The following SLC9A9 variants were observed in gnomAD, a reference collection of about 807,000 sequenced individuals.
The protein encoded by SLC9A9 is sodium/hydrogen exchanger 9.
SLC9A9 carries 62 observed loss-of-function variants against 77.8 expected under a neutral mutation model. The ratio of observed to expected loss-of-function variants is 0.80; its 90% CI spans 0.65 to 0.98. The LOEUF (loss-of-function observed/expected upper bound fraction) is 0.98. SLC9A9 is among the 50% of genes least tolerant of loss of function. The probability of loss-of-function intolerance (pLI) is 0.00; values close to 1 mark genes in which losing one functional copy is unlikely to be tolerated. For synonymous variants in SLC9A9, 320 were observed against 283.5 expected (o/e 1.13, Z -1.29); for missense variants, 775 against 774.9 (o/e 1.00, Z 0.00).
At chr3:143,767,171 C>T (rs998576697) in intron 4 of SLC9A9, among the ~76,000 whole-genome samples, 2 of 152,080 alleles carry the variant, frequency 1.3e-5, no homozygotes, top group African/African-American at 4.8e-5. Context: ...CAGAGTGAAA[C>T]AACTGAGGTT....
intron 9 of SLC9A9, among the ~76,000 whole-genome samples, chr3:143,537,143 A>G (rs970615422): frequency 6.6e-6 from 1 of 152,344 alleles, no homozygotes; most frequent in South Asian, 2.1e-4. Flanking sequence ...GGTGTCCAGC[A>G]TCTGGTGTCT....
At chr3:143,475,447 A>G (rs1475959045) in intron 11 of SLC9A9, among the ~76,000 whole-genome samples, 1 of 152,046 alleles carries the variant, frequency 6.6e-6, no homozygotes, top group Non-Finnish European at 1.5e-5. Context: ...TCTGCAAGCA[A>G]TGGATGAATC....
At chr3:143,545,448 C>T (rs2036771258) in intron 9 of SLC9A9, among the ~76,000 whole-genome samples, 1 of 152,202 alleles carries the variant, frequency 6.6e-6, no homozygotes, top group South Asian at 2.1e-4. Context: ...TTAGGACCTC[C>T]AAAGGACAAG....
chr3:143,395,776 A>C (rs1414867137), intron 12 of SLC9A9, among the ~76,000 whole-genome samples: 1 of 152,256 alleles, frequency 6.6e-6, no homozygotes, highest in African/African-American at 2.4e-5. Flanking sequence ...ACCCCATCAA[A>C]AAGTGGGCAA....
intron 4 of SLC9A9, among the ~76,000 whole-genome samples, chr3:143,741,771 T>C (rs922310536): frequency 6.6e-6 from 1 of 152,074 alleles, no homozygotes; most frequent in Non-Finnish European, 1.5e-5. Context: ...CCCTAACCCA[T>C]TGAAACCACC....
chr3:143,603,573 T>C (rs1016687681), intron 6 of SLC9A9, among the ~76,000 whole-genome samples: 17 of 152,244 alleles, frequency 1.1e-4, no homozygotes, highest in Non-Finnish European at 2.2e-4. Context: ...AACAGCCATA[T>C]GAGCAAGCTT....
At chr3:143,433,284 T>C (rs905566307) in intron 12 of SLC9A9, among the ~76,000 whole-genome samples, 7 of 152,212 alleles carry the variant, frequency 4.6e-5, no homozygotes, top group Non-Finnish European at 1.0e-4. Flanking sequence ...AAAGAGATGG[T>C]TGCTGGGTTC....
intron 4 of SLC9A9, among the ~76,000 whole-genome samples, chr3:143,725,796 T>C (rs1031729676): frequency 1.9e-4 from 29 of 149,710 alleles, no homozygotes; most frequent in Non-Finnish European, 4.0e-4. Context: ...AAATGACAAG[T>C]TAATGGGTGC....
intron 8 of SLC9A9, among the ~76,000 whole-genome samples, chr3:143,552,697 C>A (rs368755743): frequency 6.7e-4 from 102 of 152,246 alleles, no homozygotes; most frequent in African/African-American, 2.4e-3. Context: ...GAAGTAGATT[C>A]TTCCTGGAGA....
chr3:143,839,488 C>A (rs115921326), intron 1 of SLC9A9, among the ~76,000 whole-genome samples: 1,448 of 98,334 alleles, frequency 0.015, 23 homozygotes, highest in African/African-American at 0.053. Flanking sequence ...TGGTTCCCAA[C>A]AAACAACACA....
chr3:143,723,400 A>C (rs138217825), intron 4 of SLC9A9, among the ~76,000 whole-genome samples: 2 of 152,162 alleles, frequency 1.3e-5, no homozygotes, highest in Non-Finnish European at 2.9e-5. Context: ...CATTGCCTCA[A>C]GTTTAAGTTC....
intron 12 of SLC9A9, among the ~76,000 whole-genome samples, chr3:143,442,977 T>C (rs72997838): frequency 0.061 from 9,214 of 152,226 alleles, 935 homozygotes; most frequent in African/African-American, 0.21. Flanking sequence ...GTCCTTTGAT[T>C]GTTTCTAGTA....
At position 143,266,619 on chromosome 3, in the gene SLC9A9, C is replaced by T. The variant is rs1327174682; in HGVS notation, c.*83G>A. ...CTCTTAATATGTTTTCCAGCCTCTC[C>T]CCTGTACTGCCTCATCAGCTTGGCT... On this transcript the variant is annotated 3_prime_UTR_variant, in exon 16 of 16. Coordinates refer to ENST00000316549, the MANE Select transcript of SLC9A9 (RefSeq NM_173653.4). 7.2e-7 allele frequency: 1 copy of T among 1,387,188 alleles called. No homozygotes were observed. Among genetic ancestry groups the T allele is most frequent in the South Asian group, 1.2e-5 (1 of 83,620 alleles). The allele number at this position is 1,387,188 out of a possible 1,614,324, so 85.9% of individuals were successfully genotyped here. A position where few individuals can be genotyped will look rare whatever the true frequency, so the allele number is the denominator to read the frequency against.
chr3:143,278,740 G>A (rs1938126315), intron 14 of SLC9A9, among the ~76,000 whole-genome samples: 1 of 152,190 alleles, frequency 6.6e-6, no homozygotes, highest in Admixed American at 6.5e-5. Flanking sequence ...TTGCAAATAA[G>A]GTTGCATTTG....
chr3:143,284,254 A>AT (rs914799430), intron 14 of SLC9A9, among the ~76,000 whole-genome samples: 2 of 152,176 alleles, frequency 1.3e-5, no homozygotes, highest in African/African-American at 4.8e-5. Flanking sequence ...AAGTCTATTC[A>AT]TTCTTTAAAG....
At chr3:143,436,304 C>A (rs1422980217) in intron 12 of SLC9A9, among the ~76,000 whole-genome samples, 2 of 152,160 alleles carry the variant, frequency 1.3e-5, no homozygotes, top group African/African-American at 2.4e-5. Flanking sequence ...CCTCTCCTGC[C>A]CTAACAGGCT....
chr3:143,555,869 G>A (rs567284403), intron 8 of SLC9A9, among the ~76,000 whole-genome samples: 69 of 152,276 alleles, frequency 4.5e-4, no homozygotes, highest in South Asian at 2.3e-3. Flanking sequence ...ACAAACAGTG[G>A]AGAATGAGCC....
At chr3:143,350,813 T>G (rs2032431898) in intron 14 of SLC9A9, among the ~76,000 whole-genome samples, 1 of 152,222 alleles carries the variant, frequency 6.6e-6, no homozygotes. Flanking sequence ...AACTCATTGC[T>G]CTGTCCACAG....
In SLC9A9 at chr3:143,377,084, G is replaced by C. The variant is rs1399042088; in HGVS notation, c.1524+4976C>G. Among the ~76,000 whole-genome samples, 3 of 152,110 alleles carry C rather than the reference G, an allele frequency of 2.0e-5. 1 individual carries two copies. Among genetic ancestry groups the C allele is most frequent in the East Asian group, 3.8e-4 (2 of 5,198 alleles). ...ATCTTTGTGTTTATTAGGAACATTT[G>C]AAAATATTCACAAAGAAAAATTTTA... On this transcript the variant is annotated intron_variant, in intron 13 of 15. Transcript: ENST00000316549.
Sources: gnomAD v4.1 joint callset for allele counts (sites outside exome capture counted in the v4.1 genomes callset) on GRCh38, gnomAD v4.1.1 for gene constraint, MANE v1.5 for transcripts, NCBI Gene and HGNC (gene_info 2026-07-23, HGNC 2026-07-21) for gene names.